SPAG9: variants seen among roughly 807,000 people sequenced by gnomAD.
SPAG9 encodes the protein C-Jun-amino-terminal kinase-interacting protein 4.
A neutral mutation model predicts 166.5 loss-of-function variants in SPAG9; 35 were observed. The ratio of observed to expected loss-of-function variants is 0.21; its 90% CI spans 0.16 to 0.28. The LOEUF (loss-of-function observed/expected upper bound fraction) is 0.28, where lower values mean the gene tolerates loss of function less well. Ranked by LOEUF, SPAG9 falls within the 10% of genes least tolerant of loss-of-function variation. SPAG9 has a pLI of 1.00. For synonymous variants in SPAG9, 534 were observed against 565.5 expected (o/e 0.94, Z 0.79); for missense variants, 1,235 against 1,603.3 (o/e 0.77, Z 3.92).
chr17:51,095,827 GATATAGAGAT>G (rs1179110210), intron 1 of SPAG9, among the ~76,000 whole-genome samples: 1 of 85,098 alleles, frequency 1.2e-5, no homozygotes, highest in Non-Finnish European at 3.1e-5. Context: ...TATAGGGAGA[GATATAGAGAT>G]ATATAGTGAT....
chr17:51,089,661 T>TACATAC (rs1555658102), intron 1 of SPAG9, among the ~76,000 whole-genome samples: 1 of 97,932 alleles, frequency 1.0e-5, no homozygotes, highest in Non-Finnish European at 2.1e-5. Flanking sequence ...TATATATATA[T>TACATAC]ATACACATAC....
Position 50,998,428 on chromosome 17 carries a change from T to A in SPAG9, c.1838+16A>T. ...ACTTAATTTAGAATATAATGATTAA[T>A]TTGGAAAAGACTTACTCTTCACTAA... On this transcript the variant is annotated intron_variant, in intron 15 of 29. Coordinates refer to ENST00000262013, the MANE Select transcript of SPAG9 (RefSeq NM_001130528.3). 1 of 1,605,624 alleles carries A rather than the reference T, an allele frequency of 6.2e-7. No homozygotes were observed. Among genetic ancestry groups the A allele is most frequent in the South Asian group, 1.1e-5 (1 of 90,342 alleles).
intron 18 of SPAG9, among the ~76,000 whole-genome samples, chr17:50,994,693 G>C (rs951698810): frequency 6.6e-6 from 1 of 152,194 alleles, no homozygotes; most frequent in East Asian, 1.9e-4. Flanking sequence ...ACACTGCAGT[G>C]AGCCATGATC....
rs1036375654 is a variant in SPAG9, at chr17:50,985,021, T to C, written c.3021-31A>G. On this transcript the variant is annotated intron_variant, in intron 23 of 29. Transcript: ENST00000262013. ...AACAGGAAAGGGGAGTTCAGAACTC[T>C]CCATTCAGGAATACAGAAGGGACCA... 6 of 1,598,494 alleles carry C rather than the reference T, an allele frequency of 3.8e-6. No homozygotes were observed. In the African/African-American group the frequency reaches 6.7e-5, roughly 18 times the overall value.
intron 29 of SPAG9, among the ~76,000 whole-genome samples, chr17:50,968,163 T>A (rs1206026523): frequency 6.6e-6 from 1 of 152,174 alleles, no homozygotes; most frequent in Non-Finnish European, 1.5e-5. Context: ...CCTGCTGACA[T>A]CCCTGGAATC....
At chr17:51,031,884 G>A (rs1470595987) in intron 5 of SPAG9, 162 bp from the exon 6 acceptor site, 1 of 701,102 alleles carries the variant, frequency 1.4e-6, no homozygotes, top group Non-Finnish European at 2.6e-6. Flanking sequence ...TTTGACTTAA[G>A]CTGACCTTAA....
At chr17:51,061,892 G>T (rs1490805751) in intron 2 of SPAG9, among the ~76,000 whole-genome samples, 1 of 152,050 alleles carries the variant, frequency 6.6e-6, no homozygotes, top group Non-Finnish European at 1.5e-5. Context: ...TGGCAACACA[G>T]TCTTACTTTC....
At chr17:51,047,035 T>C (rs2047045164) in intron 4 of SPAG9, 1 of 712,260 alleles carries the variant, frequency 1.4e-6, no homozygotes, top group Non-Finnish European at 1.7e-6. Context: ...TGCCTCTCTG[T>C]AACAAAAAGG....
At chr17:51,018,607 C>G (rs897825495) in intron 8 of SPAG9, among the ~76,000 whole-genome samples, 8 of 152,094 alleles carry the variant, frequency 5.3e-5, no homozygotes, top group Non-Finnish European at 7.4e-5. Flanking sequence ...CTTCTGAACC[C>G]ACCCAGCAGC....
chr17:51,076,976 T>G (rs1284479628), intron 2 of SPAG9, among the ~76,000 whole-genome samples: 2 of 136,754 alleles, frequency 1.5e-5, no homozygotes, highest in African/African-American at 5.4e-5. Context: ...TCTCTATCTA[T>G]CTATCTTATC....
chr17:51,073,702 G>T (rs1417563243), intron 2 of SPAG9, among the ~76,000 whole-genome samples: 1 of 152,060 alleles, frequency 6.6e-6, no homozygotes, highest in Non-Finnish European at 1.5e-5. Context: ...TATTACACCA[G>T]TTAAGGCTTA....
intron 14 of SPAG9, among the ~76,000 whole-genome samples, chr17:50,998,823 T>G (rs912677433): frequency 6.6e-6 from 1 of 152,248 alleles, no homozygotes; most frequent in Non-Finnish European, 1.5e-5. Context: ...GAGAAACTAT[T>G]GCTTAGAATG....
intron 2 of SPAG9, among the ~76,000 whole-genome samples, chr17:51,073,605 A>G (rs965006993): frequency 3.3e-5 from 5 of 152,148 alleles, no homozygotes; most frequent in African/African-American, 1.2e-4. Context: ...AAACAGTCAA[A>G]TAATTTCCCC....
chr17:51,041,540 A>G lies in SPAG9; in HGVS notation c.702T>C (p.Phe234=), dbSNP rs1391887533. 9 of 1,613,928 alleles carry G rather than the reference A, an allele frequency of 5.6e-6. No homozygotes were observed. Among genetic ancestry groups the G allele is most frequent in the Non-Finnish European group, 7.6e-6 (9 of 1,179,912 alleles). The change falls in exon 5 of 30, where the codon TTT becomes TTC. Residue 234 remains phenylalanine, a synonymous_variant. Coordinates refer to ENST00000262013, the MANE Select transcript of SPAG9 (RefSeq NM_001130528.3). ...GAGAACGTGGTTGACTTAATTCCTG[A>G]AATTTCCATTGCTCAGATCCAGGGG... is the stretch of plus-strand genomic sequence containing the variant. ...GETPGSEQWK[F]QELSQPRSHT...
At chr17:51,075,088 C>T (rs1166109547) in intron 2 of SPAG9, among the ~76,000 whole-genome samples, 5 of 147,612 alleles carry the variant, frequency 3.4e-5, no homozygotes, top group African/African-American at 5.0e-5. Context: ...CCCAGCTACT[C>T]GGGAGGCTGA....
intron 3 of SPAG9, among the ~76,000 whole-genome samples, chr17:51,056,047 C>T (rs1350853085): frequency 6.6e-6 from 1 of 152,136 alleles, no homozygotes; most frequent in Non-Finnish European, 1.5e-5. Flanking sequence ...CAATAACTTA[C>T]CAATCCATAA....
intron 2 of SPAG9, among the ~76,000 whole-genome samples, chr17:51,070,767 G>A (rs1050391662): frequency 1.3e-5 from 2 of 152,066 alleles, no homozygotes; most frequent in African/African-American, 2.4e-5. Context: ...GCATTTCAAC[G>A]TTTGTTCTGT....
Position 50,989,742 on chromosome 17 carries a change from C to T in SPAG9, c.2748G>A (p.Glu916=). 1 of 1,614,184 alleles carries T rather than the reference C, an allele frequency of 6.2e-7. No individual in the cohort carries two copies. The highest frequency in any genetic ancestry group is 1.3e-5 in the African/African-American group (1 of 75,036). The change falls in exon 21 of 30, where the codon GAG becomes GAA. Residue 916 remains glutamate, a synonymous_variant. Coordinates refer to ENST00000262013, the MANE Select transcript of SPAG9 (RefSeq NM_001130528.3). ...VDISQTGVYT[E]HVFTDPLGVQ... The stretch of plus-strand genomic sequence containing the variant: ...CTCCCAAAGGATCTGTAAAGACATG[C>T]TCTGTGTAGACGCCAGTTTGGGAGA...
chr17:50,982,034 G>GAA (rs896339872), intron 25 of SPAG9, among the ~76,000 whole-genome samples: 1 of 130,486 alleles, frequency 7.7e-6, no homozygotes, highest in Non-Finnish European at 1.7e-5. Context: ...CTCTGTCTCA[G>GAA]AAAAAAAAAA....
Sources: allele counts gnomAD v4.1 joint callset (sites outside exome capture counted in the v4.1 genomes callset), GRCh38; gene constraint gnomAD v4.1.1; transcripts MANE v1.5; gene names NCBI Gene and HGNC (gene_info 2026-07-23, HGNC 2026-07-21).